The following TXNRD2 variants were observed in gnomAD, a reference collection of about 807,000 sequenced individuals.
The protein encoded by TXNRD2 is thioredoxin reductase 2.
TXNRD2 carries 67 observed loss-of-function variants against 70.8 expected under a neutral mutation model. The observed-to-expected ratio is 0.95, with a 90% CI of 0.78 to 1.16. TXNRD2 has a LOEUF of 1.16. Ranked by LOEUF, TXNRD2 falls within the 50% of genes most tolerant of loss-of-function variation. TXNRD2 has a pLI of 0.00. For synonymous variants in TXNRD2, 301 were observed against 295.8 expected (o/e 1.02, Z -0.18); for missense variants, 644 against 719.9 (o/e 0.89, Z 1.21).
intron 7 of TXNRD2, 65 bp downstream of exon 7, chr22:19,915,149 G>A (rs1394775302): frequency 8.7e-6 from 13 of 1,496,648 alleles, no homozygotes; most frequent in South Asian, 3.5e-5. Flanking sequence ...GTGTAAAAAC[G>A]TATCCCTCAA....
chr22:19,899,819 TCATA>T (rs1202849605), intron 8 of TXNRD2, among the ~76,000 whole-genome samples: 2 of 152,292 alleles, frequency 1.3e-5, no homozygotes, highest in African/African-American at 4.8e-5. Flanking sequence ...GTACATTCAT[TCATA>T]TATACATATG....
chr22:19,877,262 C>G, intron 16 of TXNRD2, 28 bp from the exon 17 acceptor site: 2 of 1,589,322 alleles, frequency 1.3e-6, no homozygotes, highest in Non-Finnish European at 1.7e-6. Flanking sequence ...GGGAGGCAGG[C>G]GGGGTCAGCA....
At chr22:19,877,847 C>T (rs911628140) in intron 16 of TXNRD2, among the ~76,000 whole-genome samples, 1 of 152,214 alleles carries the variant, frequency 6.6e-6, no homozygotes, top group Non-Finnish European at 1.5e-5. Context: ...TAGCAGCGAC[C>T]CGGGGCCACA....
chr22:19,911,992 CA>C (rs1228044453), intron 7 of TXNRD2, among the ~76,000 whole-genome samples: 3 of 152,086 alleles, frequency 2.0e-5, no homozygotes, highest in Admixed American at 6.5e-5. Flanking sequence ...AGAGGAGGCA[CA>C]GGGGGTAAGT....
chr22:19,888,761 C>T (rs1000942971), intron 11 of TXNRD2, among the ~76,000 whole-genome samples: 4 of 152,210 alleles, frequency 2.6e-5, no homozygotes, highest in Middle Eastern at 3.2e-3. Context: ...AGCCAGCCAC[C>T]CTCACGGGGC....
chr22:19,941,554 G>T, intron 1 of TXNRD2, 147 bp downstream of exon 1: 1 of 1,275,710 alleles, frequency 7.8e-7, no homozygotes, highest in Non-Finnish European at 1.0e-6. Context: ...GGACTCCTGA[G>T]CAAGACTAGA....
chr22:19,925,275 C>T (rs910075816), intron 2 of TXNRD2, among the ~76,000 whole-genome samples: 2 of 151,794 alleles, frequency 1.3e-5, no homozygotes, highest in Non-Finnish European at 2.9e-5. Flanking sequence ...CAGAGCAAGA[C>T]TCCATCTCAA....
At chr22:19,897,656 G>A (rs1373009983) in intron 10 of TXNRD2, among the ~76,000 whole-genome samples, 2 of 152,160 alleles carry the variant, frequency 1.3e-5, no homozygotes, top group Admixed American at 1.3e-4. Flanking sequence ...CTCCCTCAGA[G>A]GGGACAGGCA....
chr22:19,878,433 T>C lies in TXNRD2; in HGVS notation c.1280A>G (p.Tyr427Cys), dbSNP rs1938608628. Residue 427 changes from tyrosine (Y) to cysteine (C), a missense_variant, in exon 15 of 18, where the codon TAT (tyrosine) becomes TGT (cysteine). Tyr to Cys is a radical substitution (Grantham distance 194). This residue lies in a region of TXNRD2 where 566 missense variants were observed against 645.0 expected (regional missense o/e 0.88). Transcript: ENST00000400521. ...ARHGQEHVEV[Y>C]HAHYKPLEFT... ...CTCCAGTGGTTTATAATGGGCGTGATAGACCTGAGGACAGGATACCAACCC... is the reference window on the plus strand; with the variant it reads ...CTCCAGTGGTTTATAATGGGCGTGACAGACCTGAGGACAGGATACCAACCC... 1 of 1,613,554 alleles carries C rather than the reference T, an allele frequency of 6.2e-7. No individual in the cohort carries two copies. The highest frequency in any genetic ancestry group is 8.5e-7 in the Non-Finnish European group (1 of 1,180,004).
rs577814757 is a variant in TXNRD2, at chr22:19,880,728, G to A, written c.1087-11C>T. ...CAGCTCAGGCCGCCCCTTGGGGAAG[G>A]CACAGGGGGGCCACGTCAGCACCAT... On this transcript the variant is annotated splice_polypyrimidine_tract_variant and intron_variant, in intron 12 of 17. Coordinates refer to ENST00000400521, the MANE Select transcript of TXNRD2 (RefSeq NM_006440.5). 1,320 of 1,597,596 alleles carry A rather than the reference G, an allele frequency of 8.3e-4. 8 individuals carry two copies. The African/African-American group carries it at 0.015, about 18-fold the overall frequency.
intron 8 of TXNRD2, among the ~76,000 whole-genome samples, chr22:19,909,889 A>ACACACACCACT (rs756509832): frequency 0.26 from 10,272 of 39,776 alleles, 986 homozygotes; most frequent in Admixed American, 0.31. Context: ...CACACCACTC[A>ACACACACCACT]CACACACACA....
intron 13 of TXNRD2, 102 bp from the exon 14 acceptor site, chr22:19,880,373 T>C: frequency 2.4e-6 from 3 of 1,262,998 alleles, no homozygotes; most frequent in Non-Finnish European, 3.4e-6. Flanking sequence ...CAGGACCAGA[T>C]GCGCCCAGAG....
intron 8 of TXNRD2, among the ~76,000 whole-genome samples, chr22:19,909,623 C>CA (rs1279003284): frequency 4.5e-5 from 5 of 111,400 alleles, no homozygotes; most frequent in Non-Finnish European, 9.4e-5. Flanking sequence ...ACCACACACA[C>CA]CACTCACACA....
chr22:19,921,965 C>T (rs1237431299), intron 2 of TXNRD2, among the ~76,000 whole-genome samples: 3 of 152,190 alleles, frequency 2.0e-5, no homozygotes, highest in Non-Finnish European at 4.4e-5. Context: ...TCCATACCCA[C>T]CTAACAAATC....
At chr22:19,879,624 G>T (rs1439543284) in intron 14 of TXNRD2, among the ~76,000 whole-genome samples, 5 of 151,594 alleles carry the variant, frequency 3.3e-5, no homozygotes, top group East Asian at 1.9e-4. Flanking sequence ...GTGGTGGGGG[G>T]GGTGGGGGTG....
Position 19,877,276 on chromosome 22 carries a change from G to A in TXNRD2, c.1446-42C>T, listed in dbSNP as rs529708969. 8.9e-6 allele frequency: 14 copies of A among 1,572,112 alleles called. No individual in the cohort carries two copies. The South Asian group carries it at 1.2e-4, about 14-fold the overall frequency. On this transcript the variant is annotated intron_variant, in intron 16 of 17. Coordinates refer to ENST00000400521, the MANE Select transcript of TXNRD2 (RefSeq NM_006440.5). The stretch of plus-strand genomic sequence containing the variant: ...GGGGAGGCAGGCGGGGTCAGCACAG[G>A]GAGGGGGGTCCACAGCATCCCACCC...
intron 7 of TXNRD2, among the ~76,000 whole-genome samples, chr22:19,913,867 C>G (rs553290795): frequency 2.3e-3 from 348 of 152,264 alleles, no homozygotes; most frequent in African/African-American, 8.0e-3. Context: ...CGGGAGAGTT[C>G]TTAGTTTAGG....
At chr22:19,930,731 G>A (rs769919000) in intron 2 of TXNRD2, among the ~76,000 whole-genome samples, 23 of 152,204 alleles carry the variant, frequency 1.5e-4, no homozygotes, top group African/African-American at 2.7e-4. Flanking sequence ...GGGAGCCCAC[G>A]GAGGGTGTGA....
Position 19,899,784 on chromosome 22 carries a change from C to T in TXNRD2, c.663-716G>A, listed in dbSNP as rs147456223. On this transcript the variant is annotated intron_variant, in intron 8 of 17. Coordinates refer to ENST00000400521, the MANE Select transcript of TXNRD2 (RefSeq NM_006440.5). ...ATACTCTTACACGGGCACAAATGTACACACACACGCACATACTCGCATGGG... is the reference window on the plus strand; with the variant it reads ...ATACTCTTACACGGGCACAAATGTATACACACACGCACATACTCGCATGGG... Among the ~76,000 whole-genome samples the T allele has an allele frequency of 4.1e-3, 621 of 152,342 alleles. 2 individuals carry two copies. Among genetic ancestry groups the T allele is most frequent in the Middle Eastern group, 0.01 (3 of 294 alleles).
Sources: gnomAD v4.1 joint callset for allele counts (sites outside exome capture counted in the v4.1 genomes callset) on GRCh38, gnomAD v4.1.1 for gene constraint, gnomAD v4.1.1 regional missense constraint, MANE v1.5 for transcripts, NCBI Gene and HGNC (gene_info 2026-07-23, HGNC 2026-07-21) for gene names.